The following COPG2 variants were observed in gnomAD, a reference collection of about 807,000 sequenced individuals.
COPG2 encodes the protein coatomer subunit gamma-2.
Under a neutral mutation model 46.3 loss-of-function variants are expected in COPG2, and 37 were observed. The observed-to-expected ratio is 0.80, with a 90% CI of 0.61 to 1.05. COPG2 has a LOEUF of 1.05. Ranked by LOEUF, COPG2 falls within the 50% of genes least tolerant of loss-of-function variation. COPG2 has a pLI of 0.00. For synonymous variants in COPG2, 159 were observed against 129.7 expected (o/e 1.23, Z -1.53); for missense variants, 427 against 387.8 (o/e 1.10, Z -0.85).
intron 20 of COPG2, among the ~76,000 whole-genome samples, chr7:130,515,656 A>G (rs1230131447): frequency 6.6e-6 from 1 of 152,162 alleles, no homozygotes; most frequent in African/African-American, 2.4e-5. Context: ...TGTTAGGGTC[A>G]GCTGAAAATT....
At chr7:130,560,500 A>G (rs906879198) in intron 12 of COPG2, among the ~76,000 whole-genome samples, 159 of 152,334 alleles carry the variant, frequency 1.0e-3, no homozygotes, top group African/African-American at 3.6e-3. Flanking sequence ...TAAATTTCAT[A>G]GGAAATGCAA....
chr7:130,575,427 C>A (rs902498892), intron 9 of COPG2, among the ~76,000 whole-genome samples: 2 of 152,216 alleles, frequency 1.3e-5, no homozygotes. Flanking sequence ...CAATTACCAG[C>A]CAAGAACTTG....
At chr7:130,602,906 C>T (rs1794663937) in intron 9 of COPG2, 1 of 152,020 alleles carries the variant, frequency 6.6e-6, no homozygotes, top group Non-Finnish European at 1.5e-5. Context: ...GGTGGTATGG[C>T]CATAAACTAA....
chr7:130,563,718 T>C (rs1404875566), intron 10 of COPG2, among the ~76,000 whole-genome samples: 1 of 127,412 alleles, frequency 7.8e-6, no homozygotes. Context: ...ATCGTGCCAC[T>C]GCACTCCTGC....
chr7:130,613,484 TG>T (rs1399440472), intron 7 of COPG2, 59 bp downstream of exon 7: 1 of 967,278 alleles, frequency 1.0e-6, no homozygotes, highest in African/African-American at 1.6e-5. Context: ...AGTGATACTT[TG>T]TTTTCGCAAC....
At chr7:130,642,406 A>G (rs782163473) in intron 5 of COPG2, among the ~76,000 whole-genome samples, 2 of 152,166 alleles carry the variant, frequency 1.3e-5, no homozygotes, top group African/African-American at 2.4e-5. Context: ...CCCATTTCCA[A>G]TCAATTTCCT....
intron 9 of COPG2, among the ~76,000 whole-genome samples, chr7:130,593,620 C>T (rs1239540536): frequency 6.6e-6 from 1 of 152,102 alleles, no homozygotes; most frequent in African/African-American, 2.4e-5. Context: ...GACCAATCCA[C>T]ATAAAGACAC....
chr7:130,661,522 G>T (rs554536560), intron 4 of COPG2, among the ~76,000 whole-genome samples: 1 of 152,308 alleles, frequency 6.6e-6, no homozygotes, highest in East Asian at 1.9e-4. Flanking sequence ...TCTGCTACAG[G>T]AAGTGGTTAA....
chr7:130,526,934 GTGGGGGTGGGAA>G (rs1799780628), intron 20 of COPG2, among the ~76,000 whole-genome samples: 1 of 139,470 alleles, frequency 7.2e-6, no homozygotes, highest in Non-Finnish European at 1.6e-5. Flanking sequence ...GGGGATATGG[GTGGGGGTGGGAA>G]TGGGGGTGGG....
chr7:130,563,168 A>G, intron 11 of COPG2, 101 bp downstream of exon 11: 1 of 388,226 alleles, frequency 2.6e-6, no homozygotes, highest in Non-Finnish European at 4.5e-6. Flanking sequence ...GAAGCCCATA[A>G]ATCACATATA....
At chr7:130,613,969 T>C (rs1410624152) in intron 6 of COPG2, among the ~76,000 whole-genome samples, 1 of 152,212 alleles carries the variant, frequency 6.6e-6, no homozygotes, top group Non-Finnish European at 1.5e-5. Flanking sequence ...AAGAAATTCC[T>C]ATATGGAGAT....
intron 5 of COPG2, among the ~76,000 whole-genome samples, chr7:130,649,705 G>C (rs2116229601): frequency 6.6e-6 from 1 of 152,224 alleles, no homozygotes; most frequent in Non-Finnish European, 1.5e-5. Context: ...AAGTCTAATA[G>C]AGTCATTAAC....
chr7:130,536,766 C>T (rs1286303610), intron 20 of COPG2, among the ~76,000 whole-genome samples: 4 of 152,164 alleles, frequency 2.6e-5, no homozygotes, highest in African/African-American at 9.7e-5. Context: ...GCACCGGGAC[C>T]ATGGTGGTGG....
chr7:130,613,114 TC>T (rs1301369628), intron 7 of COPG2, among the ~76,000 whole-genome samples: 1 of 152,180 alleles, frequency 6.6e-6, no homozygotes, highest in African/African-American at 2.4e-5. Context: ...AAGACAATTT[TC>T]CCATGGACAG....
At chr7:130,657,428 C>T (rs1795878738) in intron 4 of COPG2, among the ~76,000 whole-genome samples, 2 of 152,030 alleles carry the variant, frequency 1.3e-5, no homozygotes, top group Non-Finnish European at 2.9e-5. Flanking sequence ...AAACTACAAA[C>T]ACCCAGAAAA....
chr7:130,594,691 G>A (rs1452098767), intron 9 of COPG2, among the ~76,000 whole-genome samples: 2 of 152,104 alleles, frequency 1.3e-5, no homozygotes, highest in Non-Finnish European at 2.9e-5. Flanking sequence ...TTTTAAATGG[G>A]CAAAGATTTT....
intron 12 of COPG2, among the ~76,000 whole-genome samples, chr7:130,559,950 T>A (rs1171775959): frequency 6.6e-6 from 1 of 152,214 alleles, no homozygotes; most frequent in Non-Finnish European, 1.5e-5. Context: ...TTATTTATTT[T>A]TTTAAAATCA....
At chr7:130,566,493 C>G (rs1333666077) in intron 9 of COPG2, among the ~76,000 whole-genome samples, 2 of 152,138 alleles carry the variant, frequency 1.3e-5, no homozygotes, top group East Asian at 1.9e-4. Context: ...ATGAATTGTT[C>G]TTCTTAGGTT....
At chr7:130,645,102 G>A in intron 5 of COPG2, 3 of 375,530 alleles carry the variant, frequency 8.0e-6, no homozygotes, top group Non-Finnish European at 5.2e-6. Context: ...AAATGCTTAA[G>A]CATCCATTTT....
Sources: gnomAD v4.1 joint callset for allele counts (sites outside exome capture counted in the v4.1 genomes callset) on GRCh38, gnomAD v4.1.1 for gene constraint, MANE v1.5 for transcripts, NCBI Gene and HGNC (gene_info 2026-07-23, HGNC 2026-07-21) for gene names.